SEMA5B: variants seen among roughly 807,000 people sequenced by gnomAD.
SEMA5B encodes the protein semaphorin 5B, also known as semaphorin-5B.
A neutral mutation model predicts 135.0 loss-of-function variants in SEMA5B; 66 were observed. That is an observed-to-expected ratio of 0.49 (90% CI 0.40 to 0.60). The LOEUF (loss-of-function observed/expected upper bound fraction) is 0.60. Among genes scored for constraint, SEMA5B ranks in the 20% least tolerant of loss-of-function variants. The pLI is 0.00. For synonymous variants in SEMA5B, 690 were observed against 639.5 expected, an observed-to-expected ratio of 1.08 and a Z score of -1.19; for missense variants, 1,501 against 1,566.3, an observed-to-expected ratio of 0.96 and a Z score of 0.70.
chr3:123,019,823 A>G (rs1002682661), intron 1 of SEMA5B, among the ~76,000 whole-genome samples: 17 of 152,188 alleles, frequency 1.1e-4, no homozygotes, highest in Non-Finnish European at 2.4e-4. Flanking sequence ...AGGTGGGGGC[A>G]AGGGAGCCTA....
At chr3:122,935,169 A>G (rs1488183585) in intron 5 of SEMA5B, among the ~76,000 whole-genome samples, 1 of 152,230 alleles carries the variant, frequency 6.6e-6, no homozygotes, top group African/African-American at 2.4e-5. Context: ...GAGGTCTCAT[A>G]GAGACTGGTG....
At chr3:122,948,290 G>A (rs980371957) in intron 3 of SEMA5B, among the ~76,000 whole-genome samples, 1 of 152,110 alleles carries the variant, frequency 6.6e-6, no homozygotes, top group East Asian at 1.9e-4. Context: ...AATAAATTAC[G>A]GAGAGACAAA....
chr3:122,980,294 C>G (rs1045792677), intron 1 of SEMA5B, among the ~76,000 whole-genome samples: 1 of 152,050 alleles, frequency 6.6e-6, no homozygotes, highest in African/African-American at 2.4e-5. Flanking sequence ...AACCCTGTCT[C>G]TACTAAAAAT....
chr3:122,916,832 C>T (rs1056626763), intron 12 of SEMA5B, among the ~76,000 whole-genome samples: 1 of 152,064 alleles, frequency 6.6e-6, no homozygotes, highest in Non-Finnish European at 1.5e-5. Context: ...AAGCTGTAGG[C>T]GGTCACATCC....
intron 1 of SEMA5B, among the ~76,000 whole-genome samples, chr3:122,979,279 C>G: frequency 6.6e-6 from 1 of 152,144 alleles, no homozygotes; most frequent in East Asian, 1.9e-4. Context: ...AGCAGAGAGC[C>G]CCTCTGTCTC....
chr3:122,963,449 T>G (rs932302482), intron 1 of SEMA5B, among the ~76,000 whole-genome samples: 1 of 147,806 alleles, frequency 6.8e-6, no homozygotes, highest in Non-Finnish European at 1.5e-5. Context: ...GCCAAGATTG[T>G]GCCATTGCAC....
rs910495796 is a variant in SEMA5B at position 122,915,652 on chromosome 3, A to G, written c.1807-31T>C. Reference sequence around the variant, plus strand: ...GACACACATGGGAGACAGTACCCCTATTACCCAAGCCAAGGGCAGGGAAGT... The same window carrying G: ...GACACACATGGGAGACAGTACCCCTGTTACCCAAGCCAAGGGCAGGGAAGT... On this transcript the variant is annotated intron_variant, in intron 13 of 22. Transcript: ENST00000357599. 30 of 1,602,438 alleles carry G rather than the reference A, an allele frequency of 1.9e-5. No individual in the cohort carries two copies. In the Admixed American group the frequency reaches 3.9e-4, roughly 21 times the overall value.
chr3:122,925,661 C>T (rs1260394905), intron 9 of SEMA5B, among the ~76,000 whole-genome samples: 2 of 151,790 alleles, frequency 1.3e-5, no homozygotes, highest in African/African-American at 4.8e-5. Flanking sequence ...CAGAGCAAGA[C>T]TCCGTCTCAA....
intron 1 of SEMA5B, among the ~76,000 whole-genome samples, chr3:122,981,880 G>A (rs1941531239): frequency 6.6e-6 from 1 of 152,222 alleles, no homozygotes; most frequent in African/African-American, 2.4e-5. Flanking sequence ...ACGGATGGAT[G>A]GAGTCTCTGA....
At chr3:122,942,418 C>T (rs1168809441) in intron 4 of SEMA5B, among the ~76,000 whole-genome samples, 1 of 152,186 alleles carries the variant, frequency 6.6e-6, no homozygotes, top group Non-Finnish European at 1.5e-5. Flanking sequence ...ACCCAGTGGC[C>T]ATCCTCTCCC....
Position 122,923,130 on chromosome 3 carries a change from T to C in SEMA5B, c.1272+487A>G, listed in dbSNP as rs748801421. Among the ~76,000 whole-genome samples the C allele has an allele frequency of 2.6e-4, 40 of 152,174 alleles. 2 individuals carry two copies. Among genetic ancestry groups the C allele is most frequent in the Non-Finnish European group, 4.4e-5 (3 of 68,006 alleles). On this transcript the variant is annotated intron_variant, in intron 10 of 22. Transcript: ENST00000357599. Reference sequence around the variant, plus strand: ...AAAGTCAACCATCAGCAGCCTCCTCTGCCCCCTGGTTCTTTCCCTTTCTCC... The same window carrying C: ...AAAGTCAACCATCAGCAGCCTCCTCCGCCCCCTGGTTCTTTCCCTTTCTCC...
intron 5 of SEMA5B, among the ~76,000 whole-genome samples, chr3:122,938,726 A>C (rs1939417692): frequency 6.6e-6 from 1 of 152,138 alleles, no homozygotes; most frequent in African/African-American, 2.4e-5. Flanking sequence ...AGACATGAGA[A>C]TTGAGGCTCT....
At chr3:122,930,077 A>AG (rs1489619322) in intron 5 of SEMA5B, among the ~76,000 whole-genome samples, 1 of 152,118 alleles carries the variant, frequency 6.6e-6, no homozygotes, top group East Asian at 1.9e-4. Context: ...CCAAATGGGG[A>AG]GGGGAAAAAA....
chr3:122,988,709 G>A (rs1941774073), intron 1 of SEMA5B, among the ~76,000 whole-genome samples: 1 of 152,234 alleles, frequency 6.6e-6, no homozygotes, highest in Non-Finnish European at 1.5e-5. Context: ...GCCTTGGGGT[G>A]GGGCCTGGAA....
Position 122,929,051 on chromosome 3 carries a change from T to A in SEMA5B, c.482A>T (p.Glu161Val). 6.2e-7 allele frequency: 1 copy of A among 1,611,750 alleles called. No individual in the cohort carries two copies. Residue 161 changes from glutamate to valine, a missense_variant, in exon 6 of 23, where the codon GAG becomes GTG. Physicochemically the swap from Glu to Val is moderately radical, Grantham distance 121. This residue lies in a region of SEMA5B where 574 missense variants were observed against 684.7 expected (regional missense o/e 0.84). Transcript: ENST00000357599. ...GCGCGTGTCCTCACTGGAGGCCCAC[T>A]CTGTGGCCTGGGGGAGGAACATAGG... ...LANVSLLQAT[E>V]WASSEDTRRS... is the part of the protein sequence containing the mutation.
chr3:122,973,556 T>A (rs1363438167), intron 1 of SEMA5B, among the ~76,000 whole-genome samples: 1 of 152,256 alleles, frequency 6.6e-6, no homozygotes, highest in African/African-American at 2.4e-5. Context: ...CCAGTTCATC[T>A]GTGAAGGTCG....
At chr3:123,007,192 C>T (rs1942336358) in intron 1 of SEMA5B, among the ~76,000 whole-genome samples, 1 of 152,148 alleles carries the variant, frequency 6.6e-6, no homozygotes, top group African/African-American at 2.4e-5. Context: ...CTTCCTTCTG[C>T]CCCACTCAGT....
chr3:122,931,514 A>G (rs1016376540), intron 5 of SEMA5B, among the ~76,000 whole-genome samples: 4 of 152,234 alleles, frequency 2.6e-5, no homozygotes, highest in Admixed American at 1.3e-4. Flanking sequence ...ATTTTAACGT[A>G]TACATATTGA....
At chr3:123,006,068 C>T (rs938291024) in intron 1 of SEMA5B, among the ~76,000 whole-genome samples, 1 of 152,192 alleles carries the variant, frequency 6.6e-6, no homozygotes, top group Non-Finnish European at 1.5e-5. Context: ...CAAAACACAA[C>T]AAATGTGACT....
Sources: allele counts gnomAD v4.1 joint callset (sites outside exome capture counted in the v4.1 genomes callset), GRCh38; gene constraint gnomAD v4.1.1; regional missense constraint gnomAD v4.1.1; transcripts MANE v1.5; gene names NCBI Gene and HGNC (gene_info 2026-07-23, HGNC 2026-07-21).